HIPK2: variants seen among roughly 807,000 people sequenced by gnomAD.
HIPK2 encodes homeodomain-interacting protein kinase 2.
Under a neutral mutation model 113.7 loss-of-function variants are expected in HIPK2, and 27 were observed. The observed-to-expected ratio is 0.24, with a 90% CI of 0.17 to 0.33. The LOEUF (loss-of-function observed/expected upper bound fraction) is 0.33, where lower values mean the gene tolerates loss of function less well. HIPK2 is among the 10% of genes least tolerant of loss of function. The pLI is 1.00. For missense variants in HIPK2, 1,257 were observed against 1,588.0 expected (o/e 0.79, Z 3.54); for synonymous variants, 631 against 642.2 (o/e 0.98, Z 0.26).
rs7799399 is a variant in HIPK2 at position 139,613,592 on chromosome 7, C to G, written c.1991-269G>C. 0.25 allele frequency among the ~76,000 whole-genome samples: 38,335 copies of G among 152,012 alleles called. 6,909 individuals are homozygous for G. Among genetic ancestry groups the G allele is most frequent in the African/African-American group, 0.52 (21,408 of 41,398 alleles). ...AGGCCAAAAGTAGGACAGATATGCT[C>G]GCAGATTACAACAGGAAAACAAGGG... is the stretch of plus-strand genomic sequence containing the variant. On this transcript the variant is annotated intron_variant, in intron 8 of 14. Transcript: ENST00000406875. This position sits in a 1 kb window ranked among gnomAD's most constrained non-coding sequence, Gnocchi z 4.2.
intron 5 of HIPK2, among the ~76,000 whole-genome samples, chr7:139,627,882 T>G (rs891317783): frequency 3.9e-5 from 6 of 152,210 alleles, no homozygotes; most frequent in Admixed American, 2.6e-4. Flanking sequence ...TGTAGCAGAT[T>G]GAATTGTATC....
chr7:139,658,619 T>C (rs888362926), intron 2 of HIPK2, among the ~76,000 whole-genome samples: 1 of 152,218 alleles, frequency 6.6e-6, no homozygotes, highest in East Asian at 1.9e-4. Context: ...AGAAGAGTCT[T>C]TGACAATATA....
intron 1 of HIPK2, among the ~76,000 whole-genome samples, chr7:139,756,878 T>C (rs146102630): frequency 5.9e-5 from 9 of 152,350 alleles, no homozygotes; most frequent in Admixed American, 6.5e-5. Flanking sequence ...TCTTAGCTGA[T>C]AGCACTTTAT....
intron 4 of HIPK2, among the ~76,000 whole-genome samples, chr7:139,629,736 C>T (rs1394105008): frequency 6.6e-6 from 1 of 152,120 alleles, no homozygotes; most frequent in African/African-American, 2.4e-5. Flanking sequence ...AGAGGTAATT[C>T]GTCTTCAAAA....
At chr7:139,754,768 A>G (rs529089353) in intron 1 of HIPK2, among the ~76,000 whole-genome samples, 44 of 152,248 alleles carry the variant, frequency 2.9e-4, no homozygotes, top group African/African-American at 9.9e-4. Context: ...CTCCGTGGGC[A>G]GTGGGAGGGG....
chr7:139,740,407 C>A (rs1030877616), intron 1 of HIPK2, among the ~76,000 whole-genome samples: 1 of 152,200 alleles, frequency 6.6e-6, no homozygotes, highest in Non-Finnish European at 1.5e-5. Flanking sequence ...GATGAAGAGG[C>A]GCTCTGTGCA....
chr7:139,586,474 GA>G (rs1798834136), intron 12 of HIPK2, among the ~76,000 whole-genome samples: 1 of 151,988 alleles, frequency 6.6e-6, no homozygotes, highest in African/African-American at 2.4e-5. Context: ...ATTCAGTCAT[GA>G]AAATGAATGA....
Position 139,600,469 on chromosome 7 carries a change from G to A in HIPK2, c.2383C>T (p.Pro795Ser), listed in dbSNP as rs1460948222. 1 of 1,613,928 alleles carries A rather than the reference G, an allele frequency of 6.2e-7. No individual in the cohort carries two copies. Among genetic ancestry groups the A allele is most frequent in the Admixed American group, 1.7e-5 (1 of 60,032 alleles). Residue 795 changes from proline (P) to serine (S), a missense_variant, in exon 11 of 15, where the codon CCA (proline) becomes TCA (serine). This residue lies in a region of HIPK2 where 862 missense variants were observed against 1,004.3 expected (regional missense o/e 0.86). Coordinates refer to ENST00000406875, the MANE Select transcript of HIPK2 (RefSeq NM_022740.5). ...TTCCGGGAGGAGGTGGTGCTGGTTG[G>A]CTGCTGCCGCATCACGTGGGCCACA... ...VGVAHVMRQQ[P>S]TSTTSSRKSK...
intron 2 of HIPK2, among the ~76,000 whole-genome samples, chr7:139,642,530 TC>T (rs1386305225): frequency 6.6e-6 from 1 of 151,984 alleles, no homozygotes; most frequent in African/African-American, 2.4e-5. Context: ...AGGGGCAGCC[TC>T]CCCACAGGAT....
intron 7 of HIPK2, among the ~76,000 whole-genome samples, chr7:139,615,907 T>C (rs1367897989): frequency 6.6e-6 from 1 of 152,208 alleles, no homozygotes; most frequent in African/African-American, 2.4e-5. Context: ...CAGCGTCGCA[T>C]AGTCTGCTTG....
chr7:139,710,934 T>G (rs1795045550), intron 2 of HIPK2, among the ~76,000 whole-genome samples: 1 of 152,120 alleles, frequency 6.6e-6, no homozygotes, highest in Non-Finnish European at 1.5e-5. Context: ...TCCTCCATGA[T>G]TGTAAGTTTC....
chr7:139,755,323 T>A (rs530807194), intron 1 of HIPK2, among the ~76,000 whole-genome samples: 1 of 152,260 alleles, frequency 6.6e-6, no homozygotes, highest in South Asian at 2.1e-4. Flanking sequence ...AGAACATCAG[T>A]TTTTTACAAC....
At chr7:139,760,599 C>T (rs1422493175) in intron 1 of HIPK2, among the ~76,000 whole-genome samples, 3 of 152,058 alleles carry the variant, frequency 2.0e-5, no homozygotes, top group Non-Finnish European at 4.4e-5. Flanking sequence ...TATTTCGAAA[C>T]TACATTCTTT....
At chr7:139,622,344 C>T (rs1299924395) in intron 6 of HIPK2, among the ~76,000 whole-genome samples, 1 of 152,172 alleles carries the variant, frequency 6.6e-6, no homozygotes. Context: ...CTGTTAATGC[C>T]AGTGTGTTTT....
rs950014212 is a variant in HIPK2, at chr7:139,613,315, C to A, written c.1999G>T (p.Ala667Ser). The A allele has an allele frequency of 1.2e-6, 2 of 1,613,290 alleles. No homozygotes were observed. The highest frequency in any genetic ancestry group is 1.7e-6 in the Non-Finnish European group (2 of 1,179,642). Residue 667 changes from alanine to serine, a missense_variant, in exon 9 of 15, where the codon GCC becomes TCC. Transcript: ENST00000406875. This position sits in a 1 kb window ranked among gnomAD's most constrained non-coding sequence, Gnocchi z 4.2. Reference protein sequence around the residue: ...VCPPGFQGLQASPSKHAGYSV... With the variant: ...VCPPGFQGLQSSPSKHAGYSV... ...TAGCCAGCGTGCTTAGAGGGAGAGGCCTGCAAGCCTGTTCCAGACAGTGTG... is the reference window on the plus strand; with the variant it reads ...TAGCCAGCGTGCTTAGAGGGAGAGGACTGCAAGCCTGTTCCAGACAGTGTG...
Position 139,565,480 on chromosome 7 carries a change from T to A in HIPK2, c.*7447A>T, listed in dbSNP as rs1798062907. On this transcript the variant is annotated 3_prime_UTR_variant, in exon 15 of 15. Transcript: ENST00000406875. ...AATAGTTATTTTAAAAAATTAAAAA[T>A]CTAGTCCTAAGCATTTCTACATTCT... 1 of 152,142 alleles carries A rather than the reference T, an allele frequency of 6.6e-6. No individual in the cohort carries two copies. The highest frequency in any genetic ancestry group is 1.5e-5 in the Non-Finnish European group (1 of 68,016). 9.4% of individuals were successfully genotyped at this position (152,142 alleles called of 1,614,324 possible).
intron 2 of HIPK2, among the ~76,000 whole-genome samples, chr7:139,645,097 C>A (rs552815808): frequency 1.3e-5 from 2 of 152,228 alleles, no homozygotes; most frequent in Admixed American, 1.3e-4. Flanking sequence ...AGAAGAAACA[C>A]GATGCTTTCC....
intron 13 of HIPK2, among the ~76,000 whole-genome samples, chr7:139,578,175 A>G (rs1798551628): frequency 6.6e-6 from 1 of 151,996 alleles, no homozygotes; most frequent in South Asian, 2.1e-4. Flanking sequence ...ACACCCAGCT[A>G]ATTTTTGTAT....
chr7:139,649,617 G>A (rs1801384086), intron 2 of HIPK2, among the ~76,000 whole-genome samples: 1 of 152,092 alleles, frequency 6.6e-6, no homozygotes, highest in East Asian at 1.9e-4. Context: ...CCCAGAAATG[G>A]ATACTGCTGC....
Sources: gnomAD v4.1 joint callset for allele counts (sites outside exome capture counted in the v4.1 genomes callset) on GRCh38, gnomAD v4.1.1 for gene constraint, gnomAD v4.1.1 regional missense constraint, Gnocchi (gnomAD v3.1) non-coding constraint, MANE v1.5 for transcripts, NCBI Gene and HGNC (gene_info 2026-07-23, HGNC 2026-07-21) for gene names.